Variants in HS2ST1 observed in about 807,000 individuals in gnomAD.
The protein encoded by HS2ST1 is 2-O-sulfotransferase.
HS2ST1 carries 18 observed loss-of-function variants against 42.9 expected under a neutral mutation model. That is an observed-to-expected ratio of 0.42 (90% confidence interval 0.29 to 0.62). HS2ST1 has a LOEUF of 0.62. HS2ST1 is among the 20% of genes least tolerant of loss of function. The probability of loss-of-function intolerance (pLI) is 0.21; values close to 1 mark genes in which losing one functional copy is unlikely to be tolerated. For synonymous variants in HS2ST1, 146 were observed against 152.9 expected (o/e 0.95, Z 0.33); for missense variants, 334 against 433.8 (o/e 0.77, Z 2.04).
At chr1:87,019,463 G>T (rs1436867183) in intron 1 of HS2ST1, among the ~76,000 whole-genome samples, 1 of 152,128 alleles carries the variant, frequency 6.6e-6, no homozygotes, top group Non-Finnish European at 1.5e-5. Context: ...TCATAAACTT[G>T]AATAAATTTG....
At chr1:87,029,726 A>T (rs924165780) in intron 1 of HS2ST1, among the ~76,000 whole-genome samples, 7 of 152,342 alleles carry the variant, frequency 4.6e-5, no homozygotes, top group Admixed American at 3.9e-4. Context: ...GAACAAAAAG[A>T]AGAGGTACCT....
rs575280698 is a variant in HS2ST1 at position 86,937,403 on chromosome 1, G to A, written c.124+22243G>A. Among the ~76,000 whole-genome samples the A allele has an allele frequency of 1.3e-3, 203 of 152,286 alleles. 2 individuals carry two copies. The highest frequency in any genetic ancestry group is 4.7e-3 in the African/African-American group (196 of 41,566). ...ATTTAAATATGAAGGACAATGTATA[G>A]TTAGCTTTTTGAAGAACATCAAATA... is the stretch of plus-strand genomic sequence containing the variant. On this transcript the variant is annotated intron_variant, in intron 1 of 6. Transcript: ENST00000370550.
intron 1 of HS2ST1, among the ~76,000 whole-genome samples, chr1:86,943,912 GCTA>G (rs573779285): frequency 3.9e-5 from 6 of 152,040 alleles, no homozygotes; most frequent in Non-Finnish European, 8.8e-5. Context: ...TGTAATCTCA[GCTA>G]CTTGGGAGGC....
chr1:86,946,308 T>C (rs1570438340), intron 1 of HS2ST1, among the ~76,000 whole-genome samples: 1 of 152,204 alleles, frequency 6.6e-6, no homozygotes, highest in Admixed American at 6.5e-5. Context: ...TTAGTGATTG[T>C]CCAGTGAAGT....
At chr1:87,039,669 G>C (rs1183165580) in intron 1 of HS2ST1, among the ~76,000 whole-genome samples, 4 of 152,174 alleles carry the variant, frequency 2.6e-5, no homozygotes, top group African/African-American at 9.6e-5. Context: ...TATCAGAACT[G>C]GGTGACATCC....
chr1:87,089,208 A>T (rs1651882047), intron 3 of HS2ST1, among the ~76,000 whole-genome samples: 1 of 152,044 alleles, frequency 6.6e-6, no homozygotes, highest in Admixed American at 6.6e-5. Flanking sequence ...ATAGAATGTA[A>T]TTGTAAAAAA....
chr1:86,918,582 T>C (rs1018583582), intron 1 of HS2ST1, among the ~76,000 whole-genome samples: 1 of 152,122 alleles, frequency 6.6e-6, no homozygotes, highest in Admixed American at 6.5e-5. Flanking sequence ...TTAACTCATG[T>C]TGATGTCATT....
In HS2ST1 at chr1:87,012,722, A is replaced by T. The variant is rs559354102; in HGVS notation, c.125-60212A>T. ...TCAATGTCTCATCTGGGACAAGGCA[A>T]GTCCCCTCTGCCTATGAGCCTGAAA... On this transcript the variant is annotated intron_variant, in intron 1 of 6. Transcript: ENST00000370550. Among the ~76,000 whole-genome samples, 2 of 152,338 alleles carry T rather than the reference A, an allele frequency of 1.3e-5. 1 individual carries two copies. Among genetic ancestry groups the T allele is most frequent in the South Asian group, 4.1e-4 (2 of 4,828 alleles).
chr1:86,922,554 G>A (rs1051441665), intron 1 of HS2ST1, among the ~76,000 whole-genome samples: 3 of 151,716 alleles, frequency 2.0e-5, no homozygotes, highest in Admixed American at 2.0e-4. Context: ...TTGTGTGTCT[G>A]AAAAAGTCTT....
intron 1 of HS2ST1, among the ~76,000 whole-genome samples, chr1:87,002,675 G>C (rs567627174): frequency 6.6e-6 from 1 of 151,242 alleles, no homozygotes; most frequent in South Asian, 2.1e-4. Flanking sequence ...TATGTAGTTT[G>C]TTTTTTTTAC....
intron 2 of HS2ST1, among the ~76,000 whole-genome samples, chr1:87,075,747 T>C (rs1020806497): frequency 6.6e-6 from 1 of 152,182 alleles, no homozygotes; most frequent in African/African-American, 2.4e-5. Context: ...CTAAACTGTT[T>C]ACCTGCTTAA....
chr1:86,919,182 T>G (rs1660237654), intron 1 of HS2ST1, among the ~76,000 whole-genome samples: 1 of 152,002 alleles, frequency 6.6e-6, no homozygotes, highest in Admixed American at 6.6e-5. Flanking sequence ...TGACCTCAAG[T>G]GATCTGCCCC....
chr1:86,914,890 G>A lies in HS2ST1; in HGVS notation c.-147G>A. 1.1e-6 allele frequency: 1 copy of A among 925,218 alleles called. No individual in the cohort carries two copies. Among genetic ancestry groups the A allele is most frequent in the East Asian group, 2.5e-5 (1 of 39,712 alleles). The allele number at this position is 925,218 out of a possible 1,614,324, so 57.3% of individuals were successfully genotyped here. A position where few individuals can be genotyped will look rare whatever the true frequency, so the allele number is the denominator to read the frequency against. ...TGGGGGAGGGGGACTGGAGAGGCGA[G>A]AAGGGGGGTCGCTGCGGTGGTTCTC... On this transcript the variant is annotated 5_prime_UTR_variant, in exon 1 of 7. Transcript: ENST00000370550.
intron 1 of HS2ST1, among the ~76,000 whole-genome samples, chr1:86,992,266 C>G (rs1648974671): frequency 6.6e-6 from 1 of 151,090 alleles, no homozygotes; most frequent in South Asian, 2.1e-4. Flanking sequence ...CTGATTTAAG[C>G]CTTAAAAAGA....
At position 87,101,156 on chromosome 1, in the gene HS2ST1, G is replaced by GTTTTTTTTTTT. The variant is rs1162453464; in HGVS notation, c.687-2257_687-2247dup. ...TTTTGTGTGTGTGTGTGTGTTTTTT[G>GTTTTTTTTTTT]TTTTTTTTTTTTTTTTTTTTTTTTT... On this transcript the variant is annotated intron_variant, in intron 5 of 6. Transcript: ENST00000370550. Among the ~76,000 whole-genome samples, 16 of 91,142 alleles carry GTTTTTTTTTTT rather than the reference G, an allele frequency of 1.8e-4. 1 individual carries two copies. Among genetic ancestry groups the GTTTTTTTTTTT allele is most frequent in the African/African-American group, 2.2e-4 (5 of 22,342 alleles). The allele number at this position is 91,142 out of a possible 152,430, so 59.8% of individuals were successfully genotyped here.
At chr1:86,995,727 CAGG>C (rs1310268607) in intron 1 of HS2ST1, among the ~76,000 whole-genome samples, 1 of 152,042 alleles carries the variant, frequency 6.6e-6, no homozygotes, top group African/African-American at 2.4e-5. Flanking sequence ...ACATACCAAA[CAGG>C]AGAGACAAGC....
At chr1:86,962,483 AACCT>A (rs781740606) in intron 1 of HS2ST1, among the ~76,000 whole-genome samples, 3 of 152,244 alleles carry the variant, frequency 2.0e-5, no homozygotes, top group Non-Finnish European at 4.4e-5. Flanking sequence ...CAAAAACAGT[AACCT>A]AACATTGCAC....
intron 1 of HS2ST1, among the ~76,000 whole-genome samples, chr1:86,985,346 T>G (rs1648727015): frequency 1.7e-5 from 1 of 59,070 alleles, no homozygotes; most frequent in Non-Finnish European, 3.7e-5. Context: ...CAGCGAGACT[T>G]GTATCAAAAA....
intron 1 of HS2ST1, among the ~76,000 whole-genome samples, chr1:86,963,449 CAT>C (rs1169230254): frequency 6.6e-6 from 1 of 152,278 alleles, no homozygotes; most frequent in East Asian, 1.9e-4. Flanking sequence ...GGACACAGCA[CAT>C]GTTTCAGAGA....
Sources: allele counts gnomAD v4.1 joint callset (sites outside exome capture counted in the v4.1 genomes callset), GRCh38; gene constraint gnomAD v4.1.1; transcripts MANE v1.5; gene names NCBI Gene and HGNC (gene_info 2026-07-23, HGNC 2026-07-21).